The following KIF5B variants were observed in gnomAD, a reference collection of about 807,000 sequenced individuals.
KIF5B encodes the protein kinesin family member 5B, also known as kinesin-1 heavy chain.
Under a neutral mutation model 132.8 loss-of-function variants are expected in KIF5B, and 49 were observed. That is an observed-to-expected ratio of 0.37 (90% CI 0.29 to 0.47). The LOEUF (loss-of-function observed/expected upper bound fraction) is 0.47, where lower values mean the gene tolerates loss of function less well. Among genes scored for constraint, KIF5B ranks in the 20% least tolerant of loss-of-function variants. The probability of loss-of-function intolerance (pLI) is 1.00; values close to 1 mark genes in which losing one functional copy is unlikely to be tolerated. For missense variants in KIF5B, 780 were observed against 1,144.0 expected (o/e 0.68, Z 4.59); for synonymous variants, 355 against 369.4 (o/e 0.96, Z 0.45).
chr10:32,040,342 T>G (rs768454588), intron 3 of KIF5B, 42 bp downstream of exon 3: 1 of 1,088,932 alleles, frequency 9.2e-7, no homozygotes, highest in Non-Finnish European at 1.4e-6. Context: ...GAATGCTGTA[T>G]GTATTGCAAA....
intron 1 of KIF5B, among the ~76,000 whole-genome samples, chr10:32,054,239 C>T (rs1349878944): frequency 6.6e-6 from 1 of 152,214 alleles, no homozygotes; most frequent in Non-Finnish European, 1.5e-5. Flanking sequence ...GACAACTAAT[C>T]CAGGCCTTGC....
intron 14 of KIF5B, among the ~76,000 whole-genome samples, chr10:32,029,297 A>T (rs752923114): frequency 6.6e-6 from 1 of 152,212 alleles, no homozygotes; most frequent in African/African-American, 2.4e-5. Context: ...TGCTCACTGA[A>T]GCATTTTGGA....
rs984591234 is a variant in KIF5B at position 32,027,711 on chromosome 10, A to G, written c.1725+717T>C. Among the ~76,000 whole-genome samples the G allele has an allele frequency of 2.7e-5, 4 of 149,348 alleles. No individual in the cohort carries two copies. The South Asian group carries it at 6.3e-4, about 24-fold the overall frequency. Reference sequence around the variant, plus strand: ...CACAGCATCTTTAACCTCCTGCCTCAGTCTCTTAAAATAGCTGGGACTACA... The same window carrying G: ...CACAGCATCTTTAACCTCCTGCCTCGGTCTCTTAAAATAGCTGGGACTACA... On this transcript the variant is annotated intron_variant, in intron 15 of 25. Transcript: ENST00000302418.
At chr10:32,013,740 A>G (rs1259461198) in intron 25 of KIF5B, among the ~76,000 whole-genome samples, 1 of 152,350 alleles carries the variant, frequency 6.6e-6, no homozygotes, top group East Asian at 1.9e-4. Context: ...CAATAAATCC[A>G]TAATTTTTAT....
chr10:32,031,355 G>T, intron 13 of KIF5B, 76 bp from the exon 14 acceptor site: 1 of 1,114,646 alleles, frequency 9.0e-7, no homozygotes, highest in Non-Finnish European at 1.3e-6. Context: ...TTCACCATTT[G>T]TCAAGAACAA....
chr10:32,055,536 A>T (rs1249370360), intron 1 of KIF5B, among the ~76,000 whole-genome samples: 1 of 151,940 alleles, frequency 6.6e-6, no homozygotes, highest in African/African-American at 2.4e-5. Flanking sequence ...ACACACACAC[A>T]CACACGCAGA....
chr10:32,018,073 C>T lies in KIF5B; in HGVS notation c.2523G>A (p.Gln841=). The part of the protein sequence containing the change: ...KISFLENNLE[Q]LTKVHKQLVR... The stretch of plus-strand genomic sequence containing the variant: ...GTACCTGTTTGTGCACTTTAGTGAG[C>T]TGTTCAAGATTATTTTCAAGAAAGG... Residue 841 remains glutamine, a synonymous_variant, in exon 23 of 26, where the codon CAG becomes CAA. Transcript: ENST00000302418. The T allele has an allele frequency of 6.2e-7, 1 of 1,602,984 alleles. No homozygotes were observed. The highest frequency in any genetic ancestry group is 1.1e-5 in the South Asian group (1 of 90,308).
intron 4 of KIF5B, 54 bp from the exon 5 acceptor site, chr10:32,038,880 G>A (rs1841495977): frequency 1.1e-5 from 12 of 1,083,404 alleles, no homozygotes; most frequent in Admixed American, 4.1e-5. Flanking sequence ...TAACTTATTC[G>A]CATATTGAGG....
In KIF5B at chr10:32,021,273, T is replaced by A. The variant is rs367556975; in HGVS notation, c.2047A>T (p.Met683Leu). 3 of 1,611,734 alleles carry A rather than the reference T, an allele frequency of 1.9e-6. No individual in the cohort carries two copies. In the African/African-American group the frequency reaches 4.0e-5, roughly 22 times the overall value. ...ACCTTATTTAAGTGCTCCTTTTCCA[T>A]TTCATGGACTTTCTCTGTTTGAATA... ...QLRAQEKVHE[M>L]EKEHLNKVQT... The change falls in exon 18 of 26, where the codon ATG becomes TTG. Residue 683 changes from methionine to leucine, a missense_variant. By Grantham distance (15) the Met-to-Leu change is conservative (BLOSUM62 2). Transcript: ENST00000302418.
At chr10:32,040,606 T>A in intron 2 of KIF5B, 149 bp from the exon 3 acceptor site, 2 of 570,920 alleles carry the variant, frequency 3.5e-6, no homozygotes, top group East Asian at 2.9e-5. Context: ...TTATTCCTAG[T>A]GAGGTATAAA....
chr10:32,034,594 T>G (rs1215604454), intron 11 of KIF5B, 96 bp downstream of exon 11: 1 of 835,186 alleles, frequency 1.2e-6, no homozygotes, highest in Non-Finnish European at 1.7e-6. Flanking sequence ...AATTTCTTGA[T>G]CTAGTCACTT....
At chr10:32,038,301 C>A in intron 5 of KIF5B, 83 bp from the exon 6 acceptor site, 4 of 893,494 alleles carry the variant, frequency 4.5e-6, no homozygotes, top group African/African-American at 1.7e-5. Flanking sequence ...CTTTCCTGAG[C>A]AGCCTAACAG....
Position 32,031,206 on chromosome 10 carries a change from G to A in KIF5B, c.1448C>T (p.Ala483Val). ...AACTTCTTTCACTTCTTCTTTAGAG[G>A]CATCATTTTCTGCTTGAAGGCGATT... ...ELNRLQAEND[A>V]SKEEVKEVLQ... Residue 483 changes from alanine to valine, a missense_variant, in exon 14 of 26, where the codon GCC (alanine) becomes GTC (valine). Ala to Val is a moderately conservative substitution (Grantham distance 64). Coordinates refer to ENST00000302418, the MANE Select transcript of KIF5B (RefSeq NM_004521.3). The A allele has an allele frequency of 6.2e-7, 1 of 1,613,788 alleles. No individual in the cohort carries two copies. Among genetic ancestry groups the A allele is most frequent in the Non-Finnish European group, 8.5e-7 (1 of 1,179,864 alleles).
chr10:32,030,454 G>A (rs1024876705), intron 14 of KIF5B, among the ~76,000 whole-genome samples: 1 of 151,438 alleles, frequency 6.6e-6, no homozygotes, highest in African/African-American at 2.4e-5. Context: ...GGCAGAGGAT[G>A]CAGTGAGCCA....
rs1021401773 is a variant in KIF5B, at chr10:32,048,567, G to A, written c.127-16C>T. The A allele has an allele frequency of 3.8e-6, 6 of 1,585,952 alleles. No homozygotes were observed. The African/African-American group carries it at 8.1e-5, about 21-fold the overall frequency. On this transcript the variant is annotated splice_polypyrimidine_tract_variant and intron_variant, in intron 1 of 25. Coordinates refer to ENST00000302418, the MANE Select transcript of KIF5B (RefSeq NM_004521.3). Reference sequence around the variant, plus strand: ...AAGGCTTGGACTGAAAAACAAAAAAGTGTTTCAACTATACAAATTAAAGGT... The same window carrying A: ...AAGGCTTGGACTGAAAAACAAAAAAATGTTTCAACTATACAAATTAAAGGT...
intron 3 of KIF5B, among the ~76,000 whole-genome samples, chr10:32,040,077 A>G (rs965679726): frequency 6.6e-6 from 1 of 152,226 alleles, no homozygotes; most frequent in East Asian, 1.9e-4. Context: ...TAAAATCAAC[A>G]ACACATAAGC....
At chr10:32,053,593 G>C (rs544234758) in intron 1 of KIF5B, among the ~76,000 whole-genome samples, 3 of 151,746 alleles carry the variant, frequency 2.0e-5, no homozygotes, top group East Asian at 3.9e-4. Flanking sequence ...GCGTGGTAGC[G>C]CGTGCCTGTA....
intron 10 of KIF5B, among the ~76,000 whole-genome samples, chr10:32,035,049 A>C (rs1841446759): frequency 6.6e-6 from 1 of 152,086 alleles, no homozygotes; most frequent in African/African-American, 2.4e-5. Flanking sequence ...AAAAAAAAAA[A>C]ATCAACAAAC....
intron 3 of KIF5B, among the ~76,000 whole-genome samples, chr10:32,039,696 T>G (rs1053804564): frequency 6.6e-6 from 1 of 152,198 alleles, no homozygotes; most frequent in Admixed American, 6.5e-5. Flanking sequence ...CATTGTAAAA[T>G]GAACATAATT....
Sources: allele counts gnomAD v4.1 joint callset (sites outside exome capture counted in the v4.1 genomes callset), GRCh38; gene constraint gnomAD v4.1.1; transcripts MANE v1.5; gene names NCBI Gene and HGNC (gene_info 2026-07-23, HGNC 2026-07-21).